The following SNX30 variants were observed in gnomAD, a reference collection of about 807,000 sequenced individuals.
SNX30 encodes sorting nexin family member 30.
In SNX30, 24 loss-of-function variants were observed where a neutral mutation model predicts 46.4. That is an observed-to-expected ratio of 0.52 (90% CI 0.37 to 0.73). SNX30 has a LOEUF of 0.73. Among genes scored for constraint, SNX30 ranks in the 30% least tolerant of loss-of-function variants. The probability of loss-of-function intolerance (pLI) is 0.00; values close to 1 mark genes in which losing one functional copy is unlikely to be tolerated. For synonymous variants in SNX30, 189 were observed against 211.5 expected (o/e 0.89, Z 0.92); for missense variants, 533 against 555.7 (o/e 0.96, Z 0.41).
At chr9:112,875,336 C>T (rs1841506879), downstream of SNX30, 1 of 152,190 alleles carries the variant, frequency 6.6e-6, no homozygotes, top group African/African-American at 2.4e-5. Flanking sequence ...CATAGCAAAG[C>T]ACAACATTAT....
intron 7 of SNX30, among the ~76,000 whole-genome samples, chr9:112,851,185 T>A (rs1317078479): frequency 6.6e-6 from 1 of 152,232 alleles, no homozygotes; most frequent in African/African-American, 2.4e-5. Context: ...ACTTAACAGC[T>A]CTGCCATTCA....
At position 112,868,953 on chromosome 9, in the gene SNX30, A is replaced by G; in HGVS notation, c.*110A>G. The G allele has an allele frequency of 1.9e-6, 2 of 1,064,520 alleles. No individual in the cohort carries two copies. The highest frequency in any genetic ancestry group is 1.8e-5 in the Admixed American group (1 of 57,010). 65.9% of individuals were successfully genotyped at this position (1,064,520 alleles called of 1,614,324 possible). ...GTGCTGGGAAAACAACCACAGAAAC[A>G]TCTCTCCTTTGTGTATTTTTCCCTC... On this transcript the variant is annotated 3_prime_UTR_variant, in exon 9 of 9. Transcript: ENST00000374232.
intron 1 of SNX30, among the ~76,000 whole-genome samples, chr9:112,764,496 C>A (rs528230112): frequency 6.6e-6 from 1 of 152,260 alleles, no homozygotes; most frequent in Admixed American, 6.5e-5. Flanking sequence ...CCTACCTCAG[C>A]CTACTGAGTA....
chr9:112,756,462 T>G (rs944353334), intron 1 of SNX30, among the ~76,000 whole-genome samples: 147 of 67,564 alleles, frequency 2.2e-3, no homozygotes, highest in African/African-American at 6.4e-3. Flanking sequence ...TTTTTTTTTT[T>G]GGGATGGAGT....
chr9:112,752,365 C>T (rs540861915), intron 1 of SNX30, among the ~76,000 whole-genome samples: 1 of 152,232 alleles, frequency 6.6e-6, no homozygotes, highest in South Asian at 2.1e-4. Flanking sequence ...CCTGTAATAC[C>T]AGCACTTTGG....
At chr9:112,754,587 G>A (rs1429070944) in intron 1 of SNX30, among the ~76,000 whole-genome samples, 1 of 151,788 alleles carries the variant, frequency 6.6e-6, no homozygotes, top group Non-Finnish European at 1.5e-5. Context: ...TTTATTTTTA[G>A]TAGTGATGGG....
At chr9:112,853,371 C>T (rs1273786229) in intron 7 of SNX30, among the ~76,000 whole-genome samples, 2 of 152,184 alleles carry the variant, frequency 1.3e-5, no homozygotes, top group Non-Finnish European at 2.9e-5. Flanking sequence ...CAGCTGCCCT[C>T]TGTCTGCCTA....
intron 7 of SNX30, 26 bp downstream of exon 7, chr9:112,850,971 T>C: frequency 6.3e-7 from 1 of 1,578,346 alleles, no homozygotes; most frequent in South Asian, 1.1e-5. Flanking sequence ...TGGGAAGGGC[T>C]GCAAAGCTGT....
intron 3 of SNX30, among the ~76,000 whole-genome samples, chr9:112,820,100 A>G (rs923631107): frequency 6.6e-5 from 10 of 152,234 alleles, no homozygotes; most frequent in African/African-American, 2.2e-4. Context: ...CTACTCTTCC[A>G]TAGACACTAG....
intron 1 of SNX30, among the ~76,000 whole-genome samples, chr9:112,797,000 G>T (rs1367151165): frequency 6.6e-6 from 1 of 152,158 alleles, no homozygotes; most frequent in Non-Finnish European, 1.5e-5. Flanking sequence ...ATGGCCCACA[G>T]GTCACCCAGG....
intron 6 of SNX30, among the ~76,000 whole-genome samples, chr9:112,847,912 C>T (rs138921412): frequency 4.6e-5 from 7 of 152,262 alleles, no homozygotes; most frequent in Admixed American, 4.6e-4. Context: ...CCTAGAGTTA[C>T]CTACTATATA....
In SNX30 at chr9:112,872,740, T is replaced by C. The variant is rs993621008; in HGVS notation, c.*3897T>C. 6.6e-6 allele frequency: 1 copy of C among 152,114 alleles called. No homozygotes were observed. Among genetic ancestry groups the C allele is most frequent in the Non-Finnish European group, 1.5e-5 (1 of 68,020 alleles). 9.4% of individuals were successfully genotyped at this position (152,114 alleles called of 1,614,324 possible). ...GCCACCCTCATTTACAAACTTAGGT[T>C]GGGAGCTTGGGTTTCCTGTCTCACT... On this transcript the variant is annotated 3_prime_UTR_variant, in exon 9 of 9. Transcript: ENST00000374232.
At chr9:112,856,410 TGTGTGTGGGGTATGTA>T (rs1310665125) in intron 7 of SNX30, among the ~76,000 whole-genome samples, 1 of 119,744 alleles carries the variant, frequency 8.4e-6, no homozygotes, top group Non-Finnish European at 1.7e-5. Context: ...GGGCGTGTGG[TGTGTGTGGGGTATGTA>T]GTGTGTGGGG....
chr9:112,824,161 A>G (rs1840545983), intron 3 of SNX30, among the ~76,000 whole-genome samples: 1 of 152,242 alleles, frequency 6.6e-6, no homozygotes. Context: ...GCAGCTTTCC[A>G]TTGACAGTCT....
rs1454769722 is a variant in SNX30 at position 112,872,698 on chromosome 9, G to C, written c.*3855G>C. The stretch of plus-strand genomic sequence containing the variant: ...AACTGGGTGATCCAATTATAGGGCT[G>C]GGGCAACCCTGCTTTGGCCACCCTC... On this transcript the variant is annotated 3_prime_UTR_variant, in exon 9 of 9. Coordinates refer to ENST00000374232, the MANE Select transcript of SNX30 (RefSeq NM_001012994.2). The C allele has an allele frequency of 6.6e-6, 1 of 152,190 alleles. No individual in the cohort carries two copies. Among genetic ancestry groups the C allele is most frequent in the East Asian group, 1.9e-4 (1 of 5,200 alleles). 9.4% of individuals were successfully genotyped at this position (152,190 alleles called of 1,614,324 possible).
chr9:112,837,403 A>G (rs1469316958), intron 5 of SNX30, among the ~76,000 whole-genome samples: 1 of 152,034 alleles, frequency 6.6e-6, no homozygotes, highest in East Asian at 1.9e-4. Context: ...GTAAGACCAC[A>G]TCTCTTGTAT....
intron 1 of SNX30, among the ~76,000 whole-genome samples, chr9:112,782,969 C>G (rs1839868885): frequency 6.6e-6 from 1 of 152,200 alleles, no homozygotes; most frequent in Admixed American, 6.5e-5. Context: ...GTTTCTGGTA[C>G]TTTGGGTTGG....
chr9:112,874,770 G>T lies in SNX30; in HGVS notation c.*5927G>T, dbSNP rs1320720815. ...GAGATTGTAAAATGGAAAAAGAATC[G>T]TTTTTTTGTTGACTTTTTGATGCTG... On this transcript the variant is annotated 3_prime_UTR_variant, in exon 9 of 9. Coordinates refer to ENST00000374232, the MANE Select transcript of SNX30 (RefSeq NM_001012994.2). The T allele has an allele frequency of 1.3e-5, 2 of 151,038 alleles. No individual in the cohort carries two copies. Among genetic ancestry groups the T allele is most frequent in the Non-Finnish European group, 2.9e-5 (2 of 67,922 alleles). The allele number at this position is 151,038 out of a possible 1,614,324, so 9.4% of individuals were successfully genotyped here.
At chr9:112,839,131 G>A (rs2131461260) in intron 6 of SNX30, among the ~76,000 whole-genome samples, 1 of 152,260 alleles carries the variant, frequency 6.6e-6, no homozygotes, top group Admixed American at 6.5e-5. Context: ...CTGAAAATAT[G>A]AAAGAAAAGA....
Sources: allele counts gnomAD v4.1 joint callset (sites outside exome capture counted in the v4.1 genomes callset), GRCh38; gene constraint gnomAD v4.1.1; transcripts MANE v1.5; gene names NCBI Gene and HGNC (gene_info 2026-07-23, HGNC 2026-07-21).